Variants in EYA2 observed in about 807,000 individuals in gnomAD.
EYA2 encodes the protein protein phosphatase EYA2.
In EYA2, 31 loss-of-function variants were observed where a neutral mutation model predicts 69.2. The observed-to-expected ratio is 0.45, with a 90% confidence interval of 0.34 to 0.60. EYA2 has a LOEUF of 0.60. Among genes scored for constraint, EYA2 ranks in the 20% least tolerant of loss-of-function variants. EYA2 has a pLI of 0.02. For synonymous variants in EYA2, 257 were observed against 279.4 expected, an observed-to-expected ratio of 0.92 and a Z score of 0.80; for missense variants, 622 against 701.2, an observed-to-expected ratio of 0.89 and a Z score of 1.28.
At chr20:47,061,170 C>G (rs1018625799) in intron 5 of EYA2, among the ~76,000 whole-genome samples, 1 of 152,098 alleles carries the variant, frequency 6.6e-6, no homozygotes, top group South Asian at 2.1e-4. Flanking sequence ...CATCTCTTTA[C>G]TCTCCTTCTT....
chr20:46,912,076 T>A (rs1333303), intron 1 of EYA2, among the ~76,000 whole-genome samples: 47,508 of 151,962 alleles, frequency 0.31, 8,232 homozygotes, highest in South Asian at 0.44. Flanking sequence ...TATGTATCAA[T>A]AAATAATCTT....
intron 1 of EYA2, among the ~76,000 whole-genome samples, chr20:46,946,031 G>T (rs964678502): frequency 6.6e-6 from 1 of 152,194 alleles, no homozygotes; most frequent in African/African-American, 2.4e-5. Context: ...CTCTTCGAGG[G>T]TCTTGAGAAT....
At chr20:46,935,946 GA>G (rs1985890247) in intron 1 of EYA2, among the ~76,000 whole-genome samples, 1 of 152,066 alleles carries the variant, frequency 6.6e-6, no homozygotes, top group Admixed American at 6.6e-5. Context: ...TCCAAAATCT[GA>G]AACTTTTTGA....
chr20:47,053,245 C>T (rs180709757), intron 5 of EYA2, among the ~76,000 whole-genome samples: 66 of 152,280 alleles, frequency 4.3e-4, no homozygotes, highest in African/African-American at 1.5e-3. Flanking sequence ...TCTCTCTCCA[C>T]CCTTAGAGCC....
intron 5 of EYA2, among the ~76,000 whole-genome samples, chr20:47,055,085 G>A (rs1305478593): frequency 6.6e-6 from 1 of 152,088 alleles, no homozygotes; most frequent in African/African-American, 2.4e-5. Flanking sequence ...CCTCTCATTG[G>A]ACCTGCCTGT....
intron 1 of EYA2, among the ~76,000 whole-genome samples, chr20:46,989,319 G>A (rs1331587457): frequency 6.6e-6 from 1 of 152,122 alleles, no homozygotes. Flanking sequence ...AGGCTGGAGT[G>A]CAGTGGCGCA....
intron 8 of EYA2, among the ~76,000 whole-genome samples, chr20:47,092,161 G>A (rs901188018): frequency 2.0e-5 from 3 of 152,080 alleles, no homozygotes; most frequent in African/African-American, 7.2e-5. Context: ...TATAGCTGGG[G>A]TCGGTTCTGA....
chr20:47,066,594 A>G (rs1298481363), intron 5 of EYA2, among the ~76,000 whole-genome samples: 1 of 152,162 alleles, frequency 6.6e-6, no homozygotes, highest in Non-Finnish European at 1.5e-5. Context: ...GCCCCATTCC[A>G]TGGAGAAAGA....
intron 14 of EYA2, 45 bp from the exon 15 acceptor site, chr20:47,183,246 G>C (rs904175307): frequency 1.3e-6 from 2 of 1,587,132 alleles, no homozygotes. Context: ...CTGCAATCCG[G>C]GGTCCTCACA....
chr20:47,039,835 CTTTTTTTT>C (rs10689930), intron 5 of EYA2, among the ~76,000 whole-genome samples: 1 of 69,806 alleles, frequency 1.4e-5, no homozygotes, highest in African/African-American at 6.1e-5. Flanking sequence ...AGATCAAATA[CTTTTTTTT>C]TTTTTTTTTT....
At chr20:47,114,465 A>T (rs1008995883) in intron 9 of EYA2, among the ~76,000 whole-genome samples, 1 of 152,124 alleles carries the variant, frequency 6.6e-6, no homozygotes, top group Non-Finnish European at 1.5e-5. Context: ...AAATACAAAA[A>T]TTAGCCGAGA....
intron 9 of EYA2, among the ~76,000 whole-genome samples, chr20:47,107,382 A>T (rs937249631): frequency 2.8e-5 from 2 of 70,186 alleles, no homozygotes; most frequent in South Asian, 6.9e-4. Context: ...AAAATTAGCC[A>T]GGCGTGGTGG....
intron 15 of EYA2, among the ~76,000 whole-genome samples, chr20:47,183,926 G>A (rs772080138): frequency 2.8e-4 from 42 of 152,230 alleles, no homozygotes; most frequent in Non-Finnish European, 5.9e-4. Flanking sequence ...CCCCCAACCC[G>A]GAGGCCTGGG....
At chr20:47,109,242 T>C (rs544131349) in intron 9 of EYA2, among the ~76,000 whole-genome samples, 1 of 152,286 alleles carries the variant, frequency 6.6e-6, no homozygotes, top group South Asian at 2.1e-4. Context: ...ACATTTCCTA[T>C]ACACCAAGCA....
At chr20:46,908,870 CTTTTTTTTT>C (rs56834738) in intron 1 of EYA2, among the ~76,000 whole-genome samples, 1,231 of 47,468 alleles carry the variant, frequency 0.026, 57 homozygotes, top group Middle Eastern at 0.071. Flanking sequence ...CTCTCCCGCA[CTTTTTTTTT>C]TTTTTTTTTT....
At chr20:46,975,196 A>G (rs536640475) in intron 1 of EYA2, among the ~76,000 whole-genome samples, 1 of 152,266 alleles carries the variant, frequency 6.6e-6, no homozygotes, top group South Asian at 2.1e-4. Context: ...GCAGAGCTGC[A>G]TGTGTGATAA....
chr20:46,922,263 T>C (rs1985211717), intron 1 of EYA2, among the ~76,000 whole-genome samples: 1 of 152,172 alleles, frequency 6.6e-6, no homozygotes, highest in Non-Finnish European at 1.5e-5. Context: ...CTTAACTACA[T>C]CACAGAGTAA....
chr20:46,953,112 A>T, intron 1 of EYA2, among the ~76,000 whole-genome samples: 1 of 152,218 alleles, frequency 6.6e-6, no homozygotes, highest in East Asian at 1.9e-4. Flanking sequence ...AACTTGGAAA[A>T]CACGAAAGGG....
intron 1 of EYA2, among the ~76,000 whole-genome samples, chr20:46,987,908 CAG>C (rs1439325148): frequency 1.6e-5 from 2 of 123,372 alleles, no homozygotes; most frequent in Non-Finnish European, 1.7e-5. Flanking sequence ...GCCTGGAAGA[CAG>C]AGTAAGTCTC....
Sources: gnomAD v4.1 joint callset for allele counts (sites outside exome capture counted in the v4.1 genomes callset) on GRCh38, gnomAD v4.1.1 for gene constraint, MANE v1.5 for transcripts, NCBI Gene and HGNC (gene_info 2026-07-23, HGNC 2026-07-21) for gene names.